The following ELL variants were observed in gnomAD, a reference collection of about 807,000 sequenced individuals.
ELL encodes RNA polymerase II elongation factor ELL.
ELL carries 18 observed loss-of-function variants against 64.0 expected under a neutral mutation model. The observed-to-expected ratio is 0.28, with a 90% CI of 0.19 to 0.42. The LOEUF (loss-of-function observed/expected upper bound fraction) is 0.42. Among genes scored for constraint, ELL ranks in the 10% least tolerant of loss-of-function variants. ELL has a pLI of 1.00. For synonymous variants in ELL, 399 were observed against 376.2 expected (o/e 1.06, Z -0.70); for missense variants, 797 against 870.4 (o/e 0.92, Z 1.06).
chr19:18,519,729 C>T (rs947441443), intron 1 of ELL, among the ~76,000 whole-genome samples: 4 of 151,320 alleles, frequency 2.6e-5, no homozygotes, highest in East Asian at 1.9e-4. Flanking sequence ...ATCGCTTGAA[C>T]CCGGGAGGCA....
At chr19:18,461,088 G>A (rs939004383) in intron 5 of ELL, among the ~76,000 whole-genome samples, 2 of 152,198 alleles carry the variant, frequency 1.3e-5, no homozygotes, top group Non-Finnish European at 2.9e-5. Context: ...CCAACCCCAG[G>A]GAGGGGCACT....
chr19:18,460,603 T>C (rs914361448), intron 5 of ELL, among the ~76,000 whole-genome samples: 56 of 152,302 alleles, frequency 3.7e-4, no homozygotes, highest in Non-Finnish European at 4.0e-4. Flanking sequence ...CCAAGGAATG[T>C]GGAACAGGGT....
At chr19:18,504,688 T>C (rs1975846839) in intron 1 of ELL, among the ~76,000 whole-genome samples, 1 of 151,912 alleles carries the variant, frequency 6.6e-6, no homozygotes, top group East Asian at 1.9e-4. Flanking sequence ...TAAACAGAAC[T>C]CTCCCAGCTG....
chr19:18,495,318 T>C (rs1298239831), intron 1 of ELL, among the ~76,000 whole-genome samples: 1 of 152,048 alleles, frequency 6.6e-6, no homozygotes, highest in East Asian at 1.9e-4. Flanking sequence ...GGGGAGGGCC[T>C]GGCCCCACGT....
At chr19:18,505,287 T>C (rs1247527227) in intron 1 of ELL, among the ~76,000 whole-genome samples, 1 of 152,228 alleles carries the variant, frequency 6.6e-6, no homozygotes, top group Non-Finnish European at 1.5e-5. Flanking sequence ...AGTTAGGCTC[T>C]TGTTAGGACT....
At chr19:18,519,132 G>T (rs566747323) in intron 1 of ELL, among the ~76,000 whole-genome samples, 147 of 151,942 alleles carry the variant, frequency 9.7e-4, no homozygotes, top group African/African-American at 3.3e-3. Context: ...GGAGGCCGAG[G>T]TGGGCAGATC....
At chr19:18,446,137 G>T in intron 10 of ELL, 172 bp downstream of exon 10, 1 of 839,300 alleles carries the variant, frequency 1.2e-6, no homozygotes, top group Non-Finnish European at 1.8e-6. Context: ...CAGGACCCCA[G>T]GGCCGGGCCA....
At chr19:18,521,363 G>A (rs2144988055) in intron 1 of ELL, among the ~76,000 whole-genome samples, 1 of 152,188 alleles carries the variant, frequency 6.6e-6, no homozygotes, top group East Asian at 1.9e-4. Context: ...GTCAAAGCCA[G>A]CCCCCAGCTG....
rs560552268 is a variant in ELL, at chr19:18,522,033, C to A, written c.23G>T (p.Arg8Met). 1 of 1,607,896 alleles carries A rather than the reference C, an allele frequency of 6.2e-7. No individual in the cohort carries two copies. Among genetic ancestry groups the A allele is most frequent in the Non-Finnish European group, 8.5e-7 (1 of 1,176,880 alleles). The change falls in exon 1 of 12, where the codon AGG (arginine) becomes ATG (methionine). Residue 8 changes from arginine (R) to methionine (M), a missense_variant. By Grantham distance (91) the Arg-to-Met change is moderately conservative. Coordinates refer to ENST00000262809, the MANE Select transcript of ELL (RefSeq NM_006532.4). MAALKED[R>M]SYGLSCGRVS... ...CCGCCCGCACGACAGCCCGTAGCTC[C>A]TATCCTCCTTCAGCGCCGCCATCTT... is the stretch of plus-strand genomic sequence containing the variant.
intron 1 of ELL, among the ~76,000 whole-genome samples, chr19:18,476,206 G>T (rs1975171189): frequency 6.6e-6 from 1 of 152,210 alleles, no homozygotes; most frequent in Non-Finnish European, 1.5e-5. Context: ...CAGAGAGCAG[G>T]TGGGCCCCGT....
intron 1 of ELL, among the ~76,000 whole-genome samples, chr19:18,495,592 G>T (rs867644949): frequency 5.9e-5 from 9 of 152,208 alleles, no homozygotes; most frequent in Non-Finnish European, 7.4e-5. Flanking sequence ...AAGGAGGAGG[G>T]CCGAGAGCCT....
Position 18,444,489 on chromosome 19 carries a change from G to A in ELL, c.*263C>T. On this transcript the variant is annotated 3_prime_UTR_variant, in exon 12 of 12. Transcript: ENST00000262809. ...GAGTCTTCTGGCGAGACAGGAGGCTGAACCCCGGAGGCTGCAGCCAGGGAG... is the reference window on the plus strand; with the variant it reads ...GAGTCTTCTGGCGAGACAGGAGGCTAAACCCCGGAGGCTGCAGCCAGGGAG... 2.3e-6 allele frequency: 1 copy of A among 438,108 alleles called. No homozygotes were observed. The highest frequency in any genetic ancestry group is 4.1e-6 in the Non-Finnish European group (1 of 244,524). 27.1% of individuals were successfully genotyped at this position (438,108 alleles called of 1,614,324 possible). A position where few individuals can be genotyped will look rare whatever the true frequency, so the allele number is the denominator to read the frequency against.
intron 1 of ELL, among the ~76,000 whole-genome samples, chr19:18,482,763 T>TTTGTTGTTG (rs71336679): frequency 0.032 from 4,781 of 149,654 alleles, 97 homozygotes; most frequent in South Asian, 0.055. Flanking sequence ...CTTTTTGGTT[T>TTTGTTGTTG]TTGTTGTTGT....
At chr19:18,509,593 G>GCACACA (rs1428746063) in intron 1 of ELL, among the ~76,000 whole-genome samples, 4 of 83,278 alleles carry the variant, frequency 4.8e-5, no homozygotes, top group Admixed American at 1.4e-4. Context: ...GCGCGCGCGC[G>GCACACA]CACATACACA....
intron 1 of ELL, among the ~76,000 whole-genome samples, chr19:18,502,651 G>T (rs147513563): frequency 6.6e-6 from 1 of 152,288 alleles, no homozygotes; most frequent in African/African-American, 2.4e-5. Flanking sequence ...AGGAAGAGAC[G>T]GTGTTTAAAT....
rs1328548333 is a variant in ELL at position 18,465,740 on chromosome 19, G to C, written c.305+57C>G. The C allele has an allele frequency of 3.5e-6, 5 of 1,428,492 alleles. No homozygotes were observed. In the African/African-American group the frequency reaches 4.4e-5, roughly 13 times the overall value. The allele number at this position is 1,428,492 out of a possible 1,614,324, so 88.5% of individuals were successfully genotyped here. A position where few individuals can be genotyped will look rare whatever the true frequency, so the allele number is the denominator to read the frequency against. On this transcript the variant is annotated intron_variant, in intron 3 of 11. Transcript: ENST00000262809. ...GGGCACATCTCAACCCTGGGCCAGAGGTGGCAGGGTGACCTCAAGAGCCGG... is the reference window on the plus strand; with the variant it reads ...GGGCACATCTCAACCCTGGGCCAGACGTGGCAGGGTGACCTCAAGAGCCGG...
At chr19:18,488,663 A>C (rs1975466586) in intron 1 of ELL, among the ~76,000 whole-genome samples, 1 of 152,128 alleles carries the variant, frequency 6.6e-6, no homozygotes, top group South Asian at 2.1e-4. Context: ...TTGAGGGCCA[A>C]CTTCAAGCAA....
At chr19:18,485,768 C>T (rs544160022) in intron 1 of ELL, among the ~76,000 whole-genome samples, 4 of 152,142 alleles carry the variant, frequency 2.6e-5, no homozygotes, top group East Asian at 3.9e-4. Context: ...GAGCGGATCA[C>T]GAGGTCAGGA....
chr19:18,446,992 C>T (rs1375957199), intron 8 of ELL, among the ~76,000 whole-genome samples, 178 bp from the exon 9 acceptor site: 4 of 152,236 alleles, frequency 2.6e-5, no homozygotes, highest in African/African-American at 9.6e-5. Flanking sequence ...CACCTGGCAA[C>T]TGTGGGCTGC....
Sources: gnomAD v4.1 joint callset for allele counts (sites outside exome capture counted in the v4.1 genomes callset) on GRCh38, gnomAD v4.1.1 for gene constraint, MANE v1.5 for transcripts, NCBI Gene and HGNC (gene_info 2026-07-23, HGNC 2026-07-21) for gene names.